Variants in CIAO2A observed in about 807,000 individuals in gnomAD.
The protein encoded by CIAO2A is cytosolic iron-sulfur assembly component 2A, also known as MIP18 family protein FAM96A.
CIAO2A carries 17 observed loss-of-function variants against 22.4 expected under a neutral mutation model. The observed-to-expected ratio is 0.76, with a 90% CI of 0.52 to 1.14. The LOEUF is 1.14. Ranked by LOEUF, CIAO2A falls within the 50% of genes most tolerant of loss-of-function variation. The probability of loss-of-function intolerance (pLI) is 0.00; values close to 1 mark genes in which losing one functional copy is unlikely to be tolerated. For missense variants in CIAO2A, 192 were observed against 191.4 expected, an observed-to-expected ratio of 1.00 and a Z score of -0.02; for synonymous variants, 74 against 72.3, an observed-to-expected ratio of 1.02 and a Z score of -0.12.
rs536287294 is a variant in CIAO2A, at chr15:64,093,825, C to T, written c.-57G>A. 217 of 1,586,944 alleles carry T rather than the reference C, an allele frequency of 1.4e-4. 1 individual carries two copies. The African/African-American group carries it at 2.5e-3, about 19-fold the overall frequency. The stretch of plus-strand genomic sequence containing the variant: ...CAATCGCGCCACCGTCTCTCAGCAG[C>T]CTCGGGATTGATCAACTTCCTGGTC... On this transcript the variant is annotated 5_prime_UTR_variant, in exon 1 of 5. Coordinates refer to ENST00000300030, the MANE Select transcript of CIAO2A (RefSeq NM_032231.7).
At chr15:64,083,490 T>C (rs763025253) in intron 2 of CIAO2A, among the ~76,000 whole-genome samples, 8 of 152,202 alleles carry the variant, frequency 5.3e-5, no homozygotes, top group East Asian at 1.9e-4. Flanking sequence ...CAAGGTAACA[T>C]TGAGTAGGTG....
chr15:64,080,439 T>G (rs570465277), intron 3 of CIAO2A, among the ~76,000 whole-genome samples: 4 of 151,592 alleles, frequency 2.6e-5, no homozygotes, highest in African/African-American at 7.3e-5. Flanking sequence ...TCCCAGCACT[T>G]TGAGAGGCCG....
In CIAO2A at chr15:64,072,739, CA is replaced by C. The variant is rs2080681624; in HGVS notation, c.*191del. On this transcript the variant is annotated 3_prime_UTR_variant, in exon 5 of 5. Coordinates refer to ENST00000300030, the MANE Select transcript of CIAO2A (RefSeq NM_032231.7). ...ATTCTGTCTGATCATTTAAGTGTTA[CA>C]AATCCTGAGAATGTTATACATTGAA... 4.6e-6 allele frequency: 2 copies of C among 434,322 alleles called. No individual in the cohort carries two copies. Among genetic ancestry groups the C allele is most frequent in the African/African-American group, 4.0e-5 (2 of 49,532 alleles). The allele number at this position is 434,322 out of a possible 1,614,324, so 26.9% of individuals were successfully genotyped here. A position where few individuals can be genotyped will look rare whatever the true frequency, so the allele number is the denominator to read the frequency against.
At chr15:64,087,821 C>T (rs900033290) in intron 2 of CIAO2A, among the ~76,000 whole-genome samples, 2 of 152,084 alleles carry the variant, frequency 1.3e-5, no homozygotes, top group Non-Finnish European at 2.9e-5. Flanking sequence ...GCTCCCACCA[C>T]CACTATTACC....
rs364595 is a variant in CIAO2A, at chr15:64,087,679, C to T, written c.289+1008G>A. On this transcript the variant is annotated intron_variant, in intron 2 of 4. Transcript: ENST00000300030. ...GAAATCACAATAGTGGAAATAATAA[C>T]GAAATAGCGACCTTTTCAATCTTTT... 6.9e-3 allele frequency among the ~76,000 whole-genome samples: 1,043 copies of T among 152,258 alleles called. 16 individuals carry two copies. Among genetic ancestry groups the T allele is most frequent in the African/African-American group, 0.023 (954 of 41,544 alleles).
chr15:64,072,744 C>G lies in CIAO2A; in HGVS notation c.*187G>C. 1 of 436,044 alleles carries G rather than the reference C, an allele frequency of 2.3e-6. No homozygotes were observed. Among genetic ancestry groups the G allele is most frequent in the African/African-American group, 2.0e-5 (1 of 49,638 alleles). The allele number at this position is 436,044 out of a possible 1,614,324, so 27.0% of individuals were successfully genotyped here. A position where few individuals can be genotyped will look rare whatever the true frequency, so the allele number is the denominator to read the frequency against. ...GTCTGATCATTTAAGTGTTACAAAT[C>G]CTGAGAATGTTATACATTGAACAAA... On this transcript the variant is annotated 3_prime_UTR_variant, in exon 5 of 5. Coordinates refer to ENST00000300030, the MANE Select transcript of CIAO2A (RefSeq NM_032231.7).
At chr15:64,080,508 C>G (rs902365700) in intron 3 of CIAO2A, among the ~76,000 whole-genome samples, 7 of 152,080 alleles carry the variant, frequency 4.6e-5, no homozygotes, top group Non-Finnish European at 8.8e-5. Context: ...TGGTGAAACC[C>G]CGTCTCTACT....
chr15:64,080,965 G>A, intron 3 of CIAO2A, 137 bp downstream of exon 3: 7 of 712,654 alleles, frequency 9.8e-6, no homozygotes, highest in Admixed American at 5.9e-5. Context: ...CAACCTAAAT[G>A]TCCATCAACT....
In CIAO2A at chr15:64,075,534, C is replaced by A; in HGVS notation, c.343G>T (p.Glu115Ter). Residue 115 changes from glutamate (E) to a stop codon, truncating the protein, a stop_gained, in exon 4 of 5, where the codon GAA becomes TAA. Coordinates refer to ENST00000300030, the MANE Select transcript of CIAO2A (RefSeq NM_032231.7). LOFTEE classifies it high-confidence loss of function. ...QRCLPFKHKL[E>*]IYISEGTHST... is the part of the protein sequence containing the mutation. ...TGGGTTCCTTCAGAAATGTAGATTT[C>A]CAACTGGAAAGTGGGAAAAAAAGTA... The A allele has an allele frequency of 6.3e-7, 1 of 1,577,720 alleles. No homozygotes were observed. Among genetic ancestry groups the A allele is most frequent in the East Asian group, 2.3e-5 (1 of 43,836 alleles).
chr15:64,078,508 C>T (rs1036682811), intron 3 of CIAO2A, among the ~76,000 whole-genome samples: 16 of 151,956 alleles, frequency 1.1e-4, no homozygotes, highest in African/African-American at 2.7e-4. Flanking sequence ...TGGTGGTATG[C>T]GCCTGTAATC....
chr15:64,076,952 C>A (rs1381578961), intron 3 of CIAO2A, among the ~76,000 whole-genome samples: 1 of 152,036 alleles, frequency 6.6e-6, no homozygotes, highest in African/African-American at 2.4e-5. Flanking sequence ...GTGATCCGCC[C>A]ATCTAGGCCT....
intron 1 of CIAO2A, among the ~76,000 whole-genome samples, chr15:64,093,243 G>A (rs1365375354): frequency 6.6e-6 from 1 of 152,196 alleles, no homozygotes; most frequent in Non-Finnish European, 1.5e-5. Flanking sequence ...GGTAGCAAGA[G>A]TGCGTGTCCA....
chr15:64,086,614 A>ATT (rs35461939), intron 2 of CIAO2A, among the ~76,000 whole-genome samples: 1 of 142,126 alleles, frequency 7.0e-6, no homozygotes, highest in African/African-American at 2.6e-5. Flanking sequence ...TAGCAATGGG[A>ATT]TTTTTTTTTT....
chr15:64,075,626 C>A, intron 3 of CIAO2A, 89 bp from the exon 4 acceptor site: 2 of 737,476 alleles, frequency 2.7e-6, no homozygotes, highest in African/African-American at 1.9e-5. Flanking sequence ...ATTCAAACAT[C>A]TAGGGATGAG....
At chr15:64,075,705 C>T (rs1370340907) in intron 3 of CIAO2A, among the ~76,000 whole-genome samples, 168 bp from the exon 4 acceptor site, 4 of 149,690 alleles carry the variant, frequency 2.7e-5, no homozygotes, top group Non-Finnish European at 5.9e-5. Context: ...GGCTGGAGTG[C>T]AGTGGCATGA....
intron 2 of CIAO2A, among the ~76,000 whole-genome samples, chr15:64,085,356 G>A (rs1264766424): frequency 1.3e-5 from 2 of 152,126 alleles, no homozygotes; most frequent in Non-Finnish European, 2.9e-5. Context: ...AAACTAGCCA[G>A]GCATAGTGGC....
chr15:64,084,307 G>A (rs1176312331), intron 2 of CIAO2A, among the ~76,000 whole-genome samples: 3 of 151,956 alleles, frequency 2.0e-5, no homozygotes, highest in Non-Finnish European at 2.9e-5. Context: ...CACGTCTGGC[G>A]AATATTTTCT....
chr15:64,084,027 C>T (rs1473061231), intron 2 of CIAO2A, among the ~76,000 whole-genome samples: 1 of 151,996 alleles, frequency 6.6e-6, no homozygotes, highest in Non-Finnish European at 1.5e-5. Context: ...AGGGCTAAGA[C>T]AAAACTTTCT....
At chr15:64,076,360 C>T (rs532898790) in intron 3 of CIAO2A, among the ~76,000 whole-genome samples, 1 of 152,264 alleles carries the variant, frequency 6.6e-6, no homozygotes, top group Admixed American at 6.5e-5. Context: ...CTTCACATTG[C>T]TTGTTTTACA....
Sources: allele counts gnomAD v4.1 joint callset (sites outside exome capture counted in the v4.1 genomes callset), GRCh38; gene constraint gnomAD v4.1.1; transcripts MANE v1.5; gene names NCBI Gene and HGNC (gene_info 2026-07-23, HGNC 2026-07-21).